ARHGAP24: variants seen among roughly 807,000 people sequenced by gnomAD.
ARHGAP24 encodes the protein Rho GTPase activating protein 24.
In ARHGAP24, 50 loss-of-function variants were observed where a neutral mutation model predicts 76.4. The ratio of observed to expected loss-of-function variants is 0.65; its 90% confidence interval spans 0.52 to 0.83. The LOEUF (loss-of-function observed/expected upper bound fraction) is 0.83. Ranked by LOEUF, ARHGAP24 falls within the 40% of genes least tolerant of loss-of-function variation. The pLI, the probability that ARHGAP24 is intolerant of heterozygous loss-of-function variation, is 0.00. For synonymous variants in ARHGAP24, 345 were observed against 323.3 expected (o/e 1.07, Z -0.72); for missense variants, 930 against 914.2 (o/e 1.02, Z -0.22).
At chr4:85,688,745 A>AT (rs142270351) in intron 2 of ARHGAP24, among the ~76,000 whole-genome samples, 7,206 of 151,990 alleles carry the variant, frequency 0.047, 544 homozygotes, top group African/African-American at 0.17. Context: ...TTTTGAGTTG[A>AT]TTTTTTTTAA....
chr4:85,592,776 A>G (rs1728170605), intron 2 of ARHGAP24, among the ~76,000 whole-genome samples: 1 of 152,178 alleles, frequency 6.6e-6, no homozygotes, highest in South Asian at 2.1e-4. Context: ...TTCACTTAAC[A>G]TAATGAACTC....
chr4:85,644,896 T>G (rs1187661687), intron 2 of ARHGAP24, among the ~76,000 whole-genome samples: 1 of 152,102 alleles, frequency 6.6e-6, no homozygotes, highest in South Asian at 2.1e-4. Context: ...CTGACAGATA[T>G]GTGCTTCTAA....
chr4:85,949,776 A>G (rs1385404046), intron 5 of ARHGAP24, among the ~76,000 whole-genome samples: 1 of 152,218 alleles, frequency 6.6e-6, no homozygotes, highest in East Asian at 1.9e-4. Flanking sequence ...GTAATGTTAT[A>G]GATATATAAG....
At chr4:85,771,544 G>C (rs946080025) in intron 3 of ARHGAP24, among the ~76,000 whole-genome samples, 1 of 152,214 alleles carries the variant, frequency 6.6e-6, no homozygotes, top group African/African-American at 2.4e-5. Flanking sequence ...CACAGTCACA[G>C]GCACAATCAG....
Position 85,792,563 on chromosome 4 carries a change from C to T in ARHGAP24, c.268+70591C>T, listed in dbSNP as rs142151870. On this transcript the variant is annotated intron_variant, in intron 3 of 9. Coordinates refer to ENST00000395184, the MANE Select transcript of ARHGAP24 (RefSeq NM_001025616.3). ...TTTGTCCTCATAGCTTATCTGAACC[C>T]TCAAAAAAAAATGTTTCCCTGAAAT... Among the ~76,000 whole-genome samples, 6 of 151,986 alleles carry T rather than the reference C, an allele frequency of 3.9e-5. No homozygotes were observed. In the East Asian group the frequency reaches 1.2e-3, roughly 29 times the overall value.
At chr4:85,502,482 G>A (rs1466077438) in intron 1 of ARHGAP24, among the ~76,000 whole-genome samples, 2 of 152,118 alleles carry the variant, frequency 1.3e-5, no homozygotes, top group African/African-American at 4.8e-5. Context: ...TCTCTTTGTA[G>A]TAATTGTGAA....
intron 2 of ARHGAP24, among the ~76,000 whole-genome samples, chr4:85,619,323 T>C (rs1720638702): frequency 6.7e-6 from 1 of 149,560 alleles, no homozygotes; most frequent in Admixed American, 6.6e-5. Context: ...CATTGGTCTA[T>C]ATGTCTGTTT....
intron 1 of ARHGAP24, among the ~76,000 whole-genome samples, chr4:85,495,044 G>A (rs1051814472): frequency 2.1e-5 from 3 of 142,952 alleles, no homozygotes; most frequent in Non-Finnish European, 4.5e-5. Context: ...GCAGTGAGCC[G>A]AGATCGCGCC....
intron 4 of ARHGAP24, among the ~76,000 whole-genome samples, chr4:85,941,010 C>G (rs570532130): frequency 2.0e-5 from 3 of 152,184 alleles, no homozygotes; most frequent in East Asian, 1.9e-4. Flanking sequence ...AAATAATTCC[C>G]CACACATTCT....
At chr4:85,950,046 T>C (rs1266871021) in intron 5 of ARHGAP24, among the ~76,000 whole-genome samples, 2 of 152,136 alleles carry the variant, frequency 1.3e-5, no homozygotes, top group African/African-American at 2.4e-5. Flanking sequence ...GTCTCCTTCT[T>C]GAGGACGTAA....
chr4:85,904,924 C>T (rs1295640900), intron 3 of ARHGAP24, among the ~76,000 whole-genome samples: 1 of 152,012 alleles, frequency 6.6e-6, no homozygotes, highest in African/African-American at 2.4e-5. Context: ...ATCACAAAAC[C>T]CCAAAACAGA....
intron 4 of ARHGAP24, among the ~76,000 whole-genome samples, chr4:85,939,388 G>T (rs548879337): frequency 5.9e-5 from 9 of 152,270 alleles, no homozygotes; most frequent in Non-Finnish European, 1.3e-4. Flanking sequence ...AAATAAATCT[G>T]GATGTGGACT....
intron 3 of ARHGAP24, among the ~76,000 whole-genome samples, chr4:85,844,343 T>G (rs1001207095): frequency 1.2e-4 from 18 of 152,340 alleles, no homozygotes; most frequent in Admixed American, 1.0e-3. Flanking sequence ...CACAGCTCTG[T>G]AGCCTACATA....
chr4:85,626,760 A>G (rs1008159260), intron 2 of ARHGAP24, among the ~76,000 whole-genome samples: 4 of 152,074 alleles, frequency 2.6e-5, no homozygotes, highest in African/African-American at 9.7e-5. Flanking sequence ...TATTTCTTGG[A>G]GGCTTTGTTG....
At chr4:85,907,615 GTA>G (rs34121153) in intron 3 of ARHGAP24, among the ~76,000 whole-genome samples, 48,234 of 151,800 alleles carry the variant, frequency 0.32, 7,979 homozygotes, top group East Asian at 0.63. Context: ...ATATGTGTGT[GTA>G]TGTGTGTCTA....
At chr4:85,782,463 G>A (rs532501804) in intron 3 of ARHGAP24, among the ~76,000 whole-genome samples, 1 of 152,304 alleles carries the variant, frequency 6.6e-6, no homozygotes, top group African/African-American at 2.4e-5. Context: ...ATGCATGTTA[G>A]CATTCACTGA....
At chr4:85,476,225 A>G (rs970840294) in intron 1 of ARHGAP24, among the ~76,000 whole-genome samples, 2 of 152,010 alleles carry the variant, frequency 1.3e-5, no homozygotes, top group Non-Finnish European at 2.9e-5. Flanking sequence ...TCGTTTTTAG[A>G]AAATACTTAA....
chr4:85,775,156 A>C (rs1727267341), intron 3 of ARHGAP24, among the ~76,000 whole-genome samples: 1 of 152,094 alleles, frequency 6.6e-6, no homozygotes, highest in Non-Finnish European at 1.5e-5. Flanking sequence ...AATGGGATAG[A>C]GGGTATATGT....
intron 2 of ARHGAP24, among the ~76,000 whole-genome samples, chr4:85,660,506 A>G (rs1467249580): frequency 6.6e-6 from 1 of 152,112 alleles, no homozygotes; most frequent in Admixed American, 6.6e-5. Flanking sequence ...ATTAATTTAA[A>G]AGAAAATCTG....
Sources: allele counts gnomAD v4.1 joint callset (sites outside exome capture counted in the v4.1 genomes callset), GRCh38; gene constraint gnomAD v4.1.1; transcripts MANE v1.5; gene names NCBI Gene and HGNC (gene_info 2026-07-23, HGNC 2026-07-21).